Variants in SHISAL2A observed in about 807,000 individuals in gnomAD.
SHISAL2A encodes the protein protein shisa-like-2A.
SHISAL2A carries 18 observed loss-of-function variants against 11.5 expected under a neutral mutation model. That is an observed-to-expected ratio of 1.57 (90% CI 1.08 to 2.33). The LOEUF (loss-of-function observed/expected upper bound fraction) is 2.33, where lower values mean the gene tolerates loss of function less well. SHISAL2A is among the 30% of genes most tolerant of loss of function. The pLI is 0.00. For synonymous variants in SHISAL2A, 94 were observed against 99.6 expected (o/e 0.94, Z 0.34); for missense variants, 261 against 250.9 (o/e 1.04, Z -0.27).
chr1:52,660,161 AC>A (rs1197234219), downstream of SHISAL2A, among the ~76,000 whole-genome samples: 1 of 152,176 alleles, frequency 6.6e-6, no homozygotes, highest in African/African-American at 2.4e-5. Flanking sequence ...AAGAACAAAA[AC>A]AAGCTTTGAG....
chr1:52,644,361 T>C (rs962260896), intron 2 of SHISAL2A, among the ~76,000 whole-genome samples: 5 of 151,960 alleles, frequency 3.3e-5, no homozygotes, highest in African/African-American at 1.2e-4. Flanking sequence ...AGTGACAGGG[T>C]CATTCACACT....
intron 2 of SHISAL2A, among the ~76,000 whole-genome samples, chr1:52,650,937 G>A (rs192337912): frequency 1.2e-3 from 181 of 149,314 alleles, no homozygotes; most frequent in Non-Finnish European, 2.1e-3. Context: ...GAGCCACCAC[G>A]CCTGGCCTAA....
At chr1:52,654,258 T>TAGATAGATAGACAGAC (rs1305001656) in intron 2 of SHISAL2A, among the ~76,000 whole-genome samples, 62 of 151,142 alleles carry the variant, frequency 4.1e-4, no homozygotes, top group African/African-American at 1.5e-3. Flanking sequence ...GATAGATAGA[T>TAGATAGATAGACAGAC]AGACAGATAG....
chr1:52,663,168 T>C (rs1392091240), intron 4 of SHISAL2A, among the ~76,000 whole-genome samples: 1 of 152,146 alleles, frequency 6.6e-6, no homozygotes, highest in Admixed American at 6.6e-5. Flanking sequence ...CTTTGTCCTG[T>C]GGCTGCAGAT....
rs759590976 is a variant in SHISAL2A, at chr1:52,642,895, C to T, written c.215C>T (p.Ala72Val). The change falls in exon 2 of 3, where the codon GCA (alanine) becomes GTA (valine). Residue 72 changes from alanine (A) to valine (V), a missense_variant. Ala to Val is a moderately conservative substitution (Grantham distance 64). Transcript: ENST00000517870. ...IGALIGLSVA[A>V]VVLLAFIVTA... The stretch of plus-strand genomic sequence containing the variant: ...GCTCTCATAGGCCTGTCCGTAGCAG[C>T]AGTGGTTCTTCTCGCCTTCATTGTT... 2 of 1,613,648 alleles carry T rather than the reference C, an allele frequency of 1.2e-6. No homozygotes were observed. The highest frequency in any genetic ancestry group is 1.3e-5 in the African/African-American group (1 of 74,896).
In SHISAL2A at chr1:52,633,815, A is replaced by G; in HGVS notation, c.182+140A>G. On this transcript the variant is annotated intron_variant, in intron 1 of 2. Coordinates refer to ENST00000517870, the MANE Select transcript of SHISAL2A (RefSeq NM_001042693.3). This position sits in a 1 kb window ranked among gnomAD's most constrained non-coding sequence, Gnocchi z 6.4. The stretch of plus-strand genomic sequence containing the variant: ...TTACCGTCCTCATGCCCACAGCATC[A>G]ACCACCCCGTGAAACCCCATCTCAG... The G allele has an allele frequency of 1.5e-6, 1 of 648,504 alleles. No homozygotes were observed. The highest frequency in any genetic ancestry group is 2.6e-6 in the Non-Finnish European group (1 of 381,218). The allele number at this position is 648,504 out of a possible 1,614,324, so 40.2% of individuals were successfully genotyped here.
downstream of SHISAL2A, among the ~76,000 whole-genome samples, chr1:52,660,119 T>G (rs1253905207): frequency 6.6e-6 from 1 of 152,174 alleles, no homozygotes; most frequent in Non-Finnish European, 1.5e-5. Context: ...GATGCTGGTC[T>G]GAGACCACCC....
chr1:52,656,941 C>G lies in SHISAL2A; in HGVS notation c.474C>G (p.Leu158=). The G allele has an allele frequency of 6.2e-7, 1 of 1,614,194 alleles. No homozygotes were observed. The change falls in exon 3 of 3, where the codon CTC becomes CTG. Residue 158 remains leucine (L), a synonymous_variant. Coordinates refer to ENST00000517870, the MANE Select transcript of SHISAL2A (RefSeq NM_001042693.3). Reference sequence around the variant, plus strand: ...AGGCTGTGAACTCCAAACGCCTCCTCCATCATTGCTTCATGGCCACAGTGA... The same window carrying G: ...AGGCTGTGAACTCCAAACGCCTCCTGCATCATTGCTTCATGGCCACAGTGA... ...EGQAVNSKRL[L]HHCFMATVTT...
chr1:52,663,128 ACCCCT>A (rs1306547825), intron 4 of SHISAL2A, among the ~76,000 whole-genome samples: 1 of 151,090 alleles, frequency 6.6e-6, no homozygotes, highest in Non-Finnish European at 1.5e-5. Flanking sequence ...GCGGTTCCAC[ACCCCT>A]CCCTCTTCTC....
rs1003216309 is a variant in SHISAL2A, at chr1:52,653,314, A to G, written c.323-3476A>G. Among the ~76,000 whole-genome samples the G allele has an allele frequency of 3.7e-5, 5 of 135,466 alleles. 1 individual carries two copies. Among genetic ancestry groups the G allele is most frequent in the South Asian group, 4.6e-4 (2 of 4,318 alleles). 88.9% of individuals were successfully genotyped at this position (135,466 alleles called of 152,430 possible). A position where few individuals can be genotyped will look rare whatever the true frequency, so the allele number is the denominator to read the frequency against. On this transcript the variant is annotated intron_variant, in intron 2 of 2. Transcript: ENST00000517870. The stretch of plus-strand genomic sequence containing the variant: ...AAAAAAAAAAAAAAAAAAAAAAAAA[A>G]GCAGGGTATGGTGGCATGTGCCTGT...
chr1:52,633,693 C>T lies in SHISAL2A; in HGVS notation c.182+18C>T, dbSNP rs768360039. 1 of 1,590,970 alleles carries T rather than the reference C, an allele frequency of 6.3e-7. No homozygotes were observed. Among genetic ancestry groups the T allele is most frequent in the African/African-American group, 1.4e-5 (1 of 72,476 alleles). On this transcript the variant is annotated intron_variant, in intron 1 of 2. Coordinates refer to ENST00000517870, the MANE Select transcript of SHISAL2A (RefSeq NM_001042693.3). This position sits in a 1 kb window ranked among gnomAD's most constrained non-coding sequence, Gnocchi z 6.4. ...TGGCTCAGGTACCGTCCCTGGCCCT[C>T]ACCCTACCTTGAACCCCACTCCAGT... is the stretch of plus-strand genomic sequence containing the variant.
downstream of SHISAL2A, among the ~76,000 whole-genome samples, chr1:52,659,011 T>TTTG (rs1259802810): frequency 5.9e-5 from 9 of 151,932 alleles, no homozygotes; most frequent in Non-Finnish European, 1.3e-4. Context: ...TCTTGCTTCA[T>TTTG]TTGTTGTTGT....
chr1:52,659,937 G>T (rs1691871331), downstream of SHISAL2A, among the ~76,000 whole-genome samples: 2 of 152,172 alleles, frequency 1.3e-5, no homozygotes, highest in Admixed American at 1.3e-4. Context: ...CGCTAAAGTG[G>T]TCATCCGCGG....
At chr1:52,636,639 A>G (rs1410242527) in intron 1 of SHISAL2A, among the ~76,000 whole-genome samples, 2 of 152,244 alleles carry the variant, frequency 1.3e-5, no homozygotes, top group East Asian at 3.8e-4. Context: ...ATATCATAGC[A>G]GACTGAGACT....
intron 2 of SHISAL2A, among the ~76,000 whole-genome samples, chr1:52,650,640 A>AC (rs1166524522): frequency 8.1e-5 from 10 of 123,100 alleles, no homozygotes; most frequent in Admixed American, 3.0e-4. Flanking sequence ...TTTTTTTAAA[A>AC]CCCTTTTTTT....
chr1:52,649,297 G>A (rs1691572446), intron 2 of SHISAL2A, among the ~76,000 whole-genome samples: 1 of 152,176 alleles, frequency 6.6e-6, no homozygotes, highest in Non-Finnish European at 1.5e-5. Context: ...TTTTATAGCA[G>A]AGGAAACCAA....
chr1:52,647,915 A>G (rs988154807), intron 2 of SHISAL2A, among the ~76,000 whole-genome samples: 2 of 151,308 alleles, frequency 1.3e-5, no homozygotes, highest in Non-Finnish European at 2.9e-5. Context: ...GCAAAAGCCC[A>G]AAAATGTATC....
intron 2 of SHISAL2A, among the ~76,000 whole-genome samples, chr1:52,645,584 T>G (rs1230033728): frequency 6.6e-6 from 1 of 152,100 alleles, no homozygotes; most frequent in Non-Finnish European, 1.5e-5. Context: ...ATTTTTTGTA[T>G]TTTTAGTAGA....
At chr1:52,654,611 C>A (rs1182777698) in intron 2 of SHISAL2A, among the ~76,000 whole-genome samples, 4 of 152,114 alleles carry the variant, frequency 2.6e-5, no homozygotes, top group African/African-American at 7.2e-5. Flanking sequence ...AAAAAATAAA[C>A]CTTTACCTAG....
Sources: gnomAD v4.1 joint callset for allele counts (sites outside exome capture counted in the v4.1 genomes callset) on GRCh38, gnomAD v4.1.1 for gene constraint, Gnocchi (gnomAD v3.1) non-coding constraint, MANE v1.5 for transcripts, NCBI Gene and HGNC (gene_info 2026-07-23, HGNC 2026-07-21) for gene names.